SUZ12: variants seen among roughly 807,000 people sequenced by gnomAD.
SUZ12 encodes the protein SUZ12 polycomb repressive complex 2 subunit, also known as polycomb protein SUZ12.
SUZ12 carries 17 observed loss-of-function variants against 87.3 expected under a neutral mutation model. That is an observed-to-expected ratio of 0.19 (90% confidence interval 0.13 to 0.29). The LOEUF (loss-of-function observed/expected upper bound fraction) is 0.29. Ranked by LOEUF, SUZ12 falls within the 10% of genes least tolerant of loss-of-function variation. The pLI is 1.00. For missense variants in SUZ12, 526 were observed against 912.2 expected (o/e 0.58, Z 5.45); for synonymous variants, 253 against 312.4 (o/e 0.81, Z 2.01).
chr17:31,990,121 A>ATTTTTTTTTTTTTTTTT (rs59793925), intron 10 of SUZ12, among the ~76,000 whole-genome samples: 12 of 99,864 alleles, frequency 1.2e-4, no homozygotes, highest in African/African-American at 3.7e-4. Flanking sequence ...TGCCCGGCTA[A>ATTTTTTTTTTTTTTTTT]TTTTTTTTTT....
intron 4 of SUZ12, among the ~76,000 whole-genome samples, chr17:31,956,006 G>A (rs1360537425): frequency 1.6e-4 from 24 of 151,874 alleles, no homozygotes; most frequent in Admixed American, 3.3e-4. Context: ...CTGCCTTCCC[G>A]GGTTCACGCC....
At chr17:31,980,422 CCTT>C (rs1249472508) in intron 8 of SUZ12, among the ~76,000 whole-genome samples, 20 of 127,958 alleles carry the variant, frequency 1.6e-4, no homozygotes, top group Non-Finnish European at 1.8e-4. Flanking sequence ...ACCAGAATCA[CCTT>C]CTCCTTTTTT....
intron 15 of SUZ12, among the ~76,000 whole-genome samples, chr17:31,997,246 C>CCCTA (rs1910022335): frequency 6.6e-6 from 1 of 152,150 alleles, no homozygotes; most frequent in Non-Finnish European, 1.5e-5. Flanking sequence ...ACCCTGGTGT[C>CCCTA]CGTAGGAAAG....
chr17:31,964,477 G>A (rs1907968082), intron 4 of SUZ12, among the ~76,000 whole-genome samples: 1 of 151,518 alleles, frequency 6.6e-6, no homozygotes, highest in African/African-American at 2.4e-5. Context: ...CGCAATCTCG[G>A]CTCACTGTAA....
Position 31,937,051 on chromosome 17 carries a change from G to C in SUZ12, c.-196G>C. On this transcript the variant is annotated 5_prime_UTR_variant, in exon 1 of 16. Coordinates refer to ENST00000322652, the MANE Select transcript of SUZ12 (RefSeq NM_015355.4). The stretch of plus-strand genomic sequence containing the variant: ...GTGAGCGGCCTCCGAAGCGGAGCGG[G>C]GCTCTGAGGAGACACTTTTTTTTTC... 8.7e-6 allele frequency: 4 copies of C among 460,552 alleles called. 1 individual carries two copies. Among genetic ancestry groups the C allele is most frequent in the Admixed American group, 4.4e-5 (1 of 22,476 alleles). 28.5% of individuals were successfully genotyped at this position (460,552 alleles called of 1,614,324 possible).
intron 10 of SUZ12, among the ~76,000 whole-genome samples, chr17:31,991,569 A>G (rs932892375): frequency 1.3e-5 from 2 of 152,086 alleles, no homozygotes; most frequent in Non-Finnish European, 2.9e-5. Flanking sequence ...GAAAGGAAAT[A>G]TACCAGAATC....
In SUZ12 at chr17:31,976,523, G is replaced by A. The variant is rs1292924156; in HGVS notation, c.826G>A (p.Val276Ile). Residue 276 changes from valine (V) to isoleucine (I), a missense_variant and splice_region_variant, in exon 8 of 16, where the codon GTC (valine) becomes ATC (isoleucine). Physicochemically the swap from Val to Ile is conservative, Grantham distance 29 (BLOSUM62 3). This residue lies in a region of SUZ12 where 73 missense variants were observed against 133.8 expected (regional missense o/e 0.55). Coordinates refer to ENST00000322652, the MANE Select transcript of SUZ12 (RefSeq NM_015355.4). ...TGAGAAATGTTTGTTAAATTTAGAT[G>A]TCAATGAAGAGCTTCCAGCCAGAAG... ...INGETNENID[V>I]NEELPARRKR... 1 of 1,611,760 alleles carries A rather than the reference G, an allele frequency of 6.2e-7. No homozygotes were observed. Among genetic ancestry groups the A allele is most frequent in the South Asian group, 1.1e-5 (1 of 90,828 alleles).
At chr17:31,971,958 A>T in intron 5 of SUZ12, among the ~76,000 whole-genome samples, 1 of 152,112 alleles carries the variant, frequency 6.6e-6, no homozygotes, top group East Asian at 1.9e-4. Context: ...CTGAAAAACA[A>T]ACAAAAATAT....
At position 31,937,147 on chromosome 17, in the gene SUZ12, G is replaced by T; in HGVS notation, c.-100G>T. On this transcript the variant is annotated 5_prime_UTR_variant, in exon 1 of 16. Transcript: ENST00000322652. ...CCCCTCTCTCCTCCTTCCCCCCTCGGTCCGCCGGAGCCTGCTGGGGCGAGC... is the reference window on the plus strand; with the variant it reads ...CCCCTCTCTCCTCCTTCCCCCCTCGTTCCGCCGGAGCCTGCTGGGGCGAGC... 1 of 1,067,742 alleles carries T rather than the reference G, an allele frequency of 9.4e-7. No homozygotes were observed. The highest frequency in any genetic ancestry group is 1.2e-6 in the Non-Finnish European group (1 of 808,472). The allele number at this position is 1,067,742 out of a possible 1,614,324, so 66.1% of individuals were successfully genotyped here.
chr17:31,996,341 G>A (rs541959082), intron 14 of SUZ12, among the ~76,000 whole-genome samples: 52 of 152,300 alleles, frequency 3.4e-4, no homozygotes, highest in African/African-American at 1.2e-3. Flanking sequence ...GACGGCAGGT[G>A]TGCTGGCTCA....
At chr17:31,956,789 TA>T (rs757621942) in intron 4 of SUZ12, among the ~76,000 whole-genome samples, 6 of 151,774 alleles carry the variant, frequency 4.0e-5, no homozygotes, top group Non-Finnish European at 7.4e-5. Flanking sequence ...TATATATATA[TA>T]TTTTTTGGTT....
chr17:31,997,175 G>A (rs1224497243), intron 15 of SUZ12, among the ~76,000 whole-genome samples: 5 of 152,076 alleles, frequency 3.3e-5, no homozygotes, highest in Non-Finnish European at 5.9e-5. Flanking sequence ...GTGAGTCATC[G>A]CAGCATTATT....
chr17:31,986,326 T>G (rs903632137), intron 9 of SUZ12, among the ~76,000 whole-genome samples: 5 of 152,178 alleles, frequency 3.3e-5, no homozygotes, highest in Admixed American at 6.5e-5. Flanking sequence ...GTTCTGAGAT[T>G]TTTTGTTTTG....
Position 31,993,230 on chromosome 17 carries a change from G to A in SUZ12, c.1202-12G>A. The A allele has an allele frequency of 6.5e-7, 1 of 1,530,028 alleles. No homozygotes were observed. Among genetic ancestry groups the A allele is most frequent in the Non-Finnish European group, 8.8e-7 (1 of 1,135,454 alleles). 94.8% of individuals were successfully genotyped at this position (1,530,028 alleles called of 1,614,324 possible). A position where few individuals can be genotyped will look rare whatever the true frequency, so the allele number is the denominator to read the frequency against. On this transcript the variant is annotated splice_polypyrimidine_tract_variant and intron_variant, in intron 10 of 15. Transcript: ENST00000322652. ...CAATGTTTTTATTGAATATAAAAGT[G>A]TATGTTTTCAGCTGTTAAAGAATCA... is the stretch of plus-strand genomic sequence containing the variant.
chr17:31,980,052 G>A (rs1367997587), intron 8 of SUZ12, among the ~76,000 whole-genome samples: 1 of 151,662 alleles, frequency 6.6e-6, no homozygotes, highest in East Asian at 1.9e-4. Context: ...AGGCAGGCAT[G>A]GTGACTGATA....
At position 31,949,705 on chromosome 17, in the gene SUZ12, T is replaced by TTTTTTTTTTG. The variant is rs1367680305; in HGVS notation, c.455+2020_455+2021insTTTTTTTTTG. 1.2e-4 allele frequency among the ~76,000 whole-genome samples: 12 copies of TTTTTTTTTTG among 96,522 alleles called. 1 individual carries two copies. Among genetic ancestry groups the TTTTTTTTTTG allele is most frequent in the African/African-American group, 4.5e-4 (11 of 24,268 alleles). 63.3% of individuals were successfully genotyped at this position (96,522 alleles called of 152,430 possible). ...TTTTTTTTTTTTTTTTTTTTTTTTTTGAGACCAAGTCTCCCTCTTGCTGAG... is the reference window on the plus strand; with the variant it reads ...TTTTTTTTTTTTTTTTTTTTTTTTTTTTTTTTTTTGGAGACCAAGTCTCCCTCTTGCTGAG... On this transcript the variant is annotated intron_variant, in intron 4 of 15. Coordinates refer to ENST00000322652, the MANE Select transcript of SUZ12 (RefSeq NM_015355.4).
At chr17:31,997,023 T>C (rs1278551106) in intron 15 of SUZ12, 146 bp downstream of exon 15, 1 of 581,548 alleles carries the variant, frequency 1.7e-6, no homozygotes. Flanking sequence ...TATTCCAATG[T>C]TTTTTGGTTT....
chr17:31,970,019 G>A (rs1274223130), intron 5 of SUZ12, among the ~76,000 whole-genome samples: 1 of 152,144 alleles, frequency 6.6e-6, no homozygotes, highest in Non-Finnish European at 1.5e-5. Context: ...CCGGGCTCAA[G>A]CGATCCTCTC....
At chr17:31,982,122 G>A (rs1240630228) in intron 8 of SUZ12, among the ~76,000 whole-genome samples, 1 of 152,188 alleles carries the variant, frequency 6.6e-6, no homozygotes, top group Non-Finnish European at 1.5e-5. Context: ...AAACTATATT[G>A]TGTGAATATA....
Sources: allele counts gnomAD v4.1 joint callset (sites outside exome capture counted in the v4.1 genomes callset), GRCh38; gene constraint gnomAD v4.1.1; regional missense constraint gnomAD v4.1.1; transcripts MANE v1.5; gene names NCBI Gene and HGNC (gene_info 2026-07-23, HGNC 2026-07-21).